The following CCDC198 variants were observed in gnomAD, a reference collection of about 807,000 sequenced individuals.
CCDC198 encodes the protein coiled-coil domain containing 198.
CCDC198 carries 18 observed loss-of-function variants against 35.6 expected under a neutral mutation model. That is an observed-to-expected ratio of 0.51 (90% CI 0.35 to 0.75). CCDC198 has a LOEUF of 0.75. CCDC198 is among the 30% of genes least tolerant of loss of function. The pLI is 0.01. For missense variants in CCDC198, 365 were observed against 343.7 expected (o/e 1.06, Z -0.49); for synonymous variants, 119 against 113.4 (o/e 1.05, Z -0.31).
intron 2 of CCDC198, among the ~76,000 whole-genome samples, chr14:57,490,106 C>A (rs1349722224): frequency 2.0e-5 from 3 of 152,014 alleles, no homozygotes; most frequent in Non-Finnish European, 2.9e-5. Context: ...CAGAAATAAT[C>A]CCCAACAAAT....
chr14:57,491,906 CAT>C (rs1223579752), intron 1 of CCDC198, among the ~76,000 whole-genome samples: 2 of 152,084 alleles, frequency 1.3e-5, no homozygotes, highest in Non-Finnish European at 2.9e-5. Context: ...CTCCTTAAGA[CAT>C]GTGAATAACC....
intron 5 of CCDC198, among the ~76,000 whole-genome samples, chr14:57,478,042 C>T (rs1237383794): frequency 2.6e-5 from 4 of 152,196 alleles, no homozygotes; most frequent in African/African-American, 7.2e-5. Context: ...TTGTGCACTA[C>T]TGATGCAGCT....
intron 2 of CCDC198, among the ~76,000 whole-genome samples, chr14:57,484,666 T>G (rs1290632834): frequency 6.6e-6 from 1 of 152,192 alleles, no homozygotes; most frequent in African/African-American, 2.4e-5. Flanking sequence ...AGAAATTGGT[T>G]GGCTGCAGTT....
rs1409963547 is a variant in CCDC198 at position 57,471,099 on chromosome 14, C to T, written c.*256G>A. 1 of 367,570 alleles carries T rather than the reference C, an allele frequency of 2.7e-6. No homozygotes were observed. The highest frequency in any genetic ancestry group is 4.9e-6 in the Non-Finnish European group (1 of 203,520). 22.8% of individuals were successfully genotyped at this position (367,570 alleles called of 1,614,324 possible). On this transcript the variant is annotated 3_prime_UTR_variant, in exon 6 of 6. Transcript: ENST00000216445. ...AGGGAACAGCAGAAGAACCACCTAGCTGAACTCAGCAACCCACAGGAAAGT... is the reference window on the plus strand; with the variant it reads ...AGGGAACAGCAGAAGAACCACCTAGTTGAACTCAGCAACCCACAGGAAAGT...
chr14:57,480,881 C>T, intron 4 of CCDC198, 127 bp from the exon 5 acceptor site: 1 of 905,482 alleles, frequency 1.1e-6, no homozygotes, highest in Non-Finnish European at 1.7e-6. Flanking sequence ...CTAACCAGAA[C>T]ATGGTTTTCT....
chr14:57,475,532 C>A (rs2066955981), intron 5 of CCDC198: 1 of 747,752 alleles, frequency 1.3e-6, no homozygotes, highest in South Asian at 1.7e-5. Flanking sequence ...CATGGTGAAA[C>A]CTCGTCTCTA....
intron 5 of CCDC198, among the ~76,000 whole-genome samples, 164 bp from the exon 6 acceptor site, chr14:57,471,754 T>G (rs2066828337): frequency 6.7e-6 from 1 of 148,742 alleles, no homozygotes; most frequent in Non-Finnish European, 1.5e-5. Context: ...ACATTTCAAC[T>G]GGTGTCTCTG....
chr14:57,485,607 T>C (rs370823496), intron 2 of CCDC198, among the ~76,000 whole-genome samples: 97 of 152,300 alleles, frequency 6.4e-4, no homozygotes, highest in African/African-American at 2.3e-3. Flanking sequence ...GCACTTGTAA[T>C]GGGGAGCATG....
At chr14:57,481,040 T>C (rs1019528689) in intron 4 of CCDC198, among the ~76,000 whole-genome samples, 5 of 152,196 alleles carry the variant, frequency 3.3e-5, no homozygotes, top group Admixed American at 2.0e-4. Flanking sequence ...ATGATTGGAG[T>C]TCCAGAGAGC....
chr14:57,469,442 T>C lies in CCDC198; in HGVS notation c.*1913A>G, dbSNP rs979824895. 6.6e-5 allele frequency: 10 copies of C among 152,220 alleles called. No homozygotes were observed. The highest frequency in any genetic ancestry group is 1.7e-4 in the African/African-American group (7 of 41,464). 9.4% of individuals were successfully genotyped at this position (152,220 alleles called of 1,614,324 possible). On this transcript the variant is annotated 3_prime_UTR_variant, in exon 6 of 6. Coordinates refer to ENST00000216445, the MANE Select transcript of CCDC198 (RefSeq NM_018168.4). ...GCTTGTGGAAGTGGGTTTCGTGAAA[T>C]TGAATTTTAAGTCACATAACAGAAT...
At chr14:57,480,519 C>A (rs2067145027) in intron 5 of CCDC198, 76 bp downstream of exon 5, 1 of 1,517,660 alleles carries the variant, frequency 6.6e-7, no homozygotes, top group Non-Finnish European at 9.0e-7. Context: ...CTCATCATGT[C>A]CCTCCCTTGG....
rs751670060 is a variant in CCDC198, at chr14:57,483,157, A to G, written c.307-6T>C. On this transcript the variant is annotated splice_region_variant and splice_polypyrimidine_tract_variant and intron_variant, in intron 2 of 5. Transcript: ENST00000216445. ...AAGTCAATGGGTTCAAGCTTCTAGA[A>G]GTTCAACGTTTAGAGCAGTCAGCAT... is the stretch of plus-strand genomic sequence containing the variant. 1 of 1,614,046 alleles carries G rather than the reference A, an allele frequency of 6.2e-7. No homozygotes were observed. Among genetic ancestry groups the G allele is most frequent in the South Asian group, 1.1e-5 (1 of 91,080 alleles).
intron 5 of CCDC198, chr14:57,478,939 G>T: frequency 1.6e-6 from 2 of 1,284,886 alleles, no homozygotes; most frequent in Non-Finnish European, 2.0e-6. Flanking sequence ...TCAGCGGTGG[G>T]TCAGTCCTGC....
intron 3 of CCDC198, 120 bp downstream of exon 3, chr14:57,482,945 G>T: frequency 7.3e-7 from 1 of 1,367,402 alleles, no homozygotes; most frequent in South Asian, 1.3e-5. Context: ...TTAACAGTTT[G>T]ATTTGTCTTT....
At chr14:57,484,655 A>G (rs571234326) in intron 2 of CCDC198, among the ~76,000 whole-genome samples, 5 of 152,276 alleles carry the variant, frequency 3.3e-5, no homozygotes, top group African/African-American at 1.2e-4. Context: ...AAGGAATGGA[A>G]AGAAATTGGT....
intron 5 of CCDC198, among the ~76,000 whole-genome samples, chr14:57,476,758 C>CCTTAATGACCAGACCCTGATAGTAGAATG (rs1231518570): frequency 3.3e-5 from 5 of 152,102 alleles, no homozygotes; most frequent in Admixed American, 1.3e-4. Flanking sequence ...TACAGAGGAA[C>CCTTAATGACCAGACCCTGATAGTAGAATG]CTTAATGACC....
At chr14:57,485,668 C>T (rs989869294) in intron 2 of CCDC198, among the ~76,000 whole-genome samples, 1 of 152,164 alleles carries the variant, frequency 6.6e-6, no homozygotes, top group Admixed American at 6.5e-5. Context: ...GTCCCTGGTC[C>T]TGGACTGGAG....
chr14:57,482,060 A>C (rs965675604), intron 3 of CCDC198, among the ~76,000 whole-genome samples: 8 of 152,164 alleles, frequency 5.3e-5, no homozygotes, highest in Non-Finnish European at 1.2e-4. Context: ...TTGGCTGGCT[A>C]TGAAATGAGA....
chr14:57,490,613 A>G (rs185695734), intron 2 of CCDC198, among the ~76,000 whole-genome samples: 2 of 152,278 alleles, frequency 1.3e-5, no homozygotes, highest in Admixed American at 6.5e-5. Flanking sequence ...TAAATGAATG[A>G]CATAGATTGA....
Sources: gnomAD v4.1 joint callset for allele counts (sites outside exome capture counted in the v4.1 genomes callset) on GRCh38, gnomAD v4.1.1 for gene constraint, MANE v1.5 for transcripts, NCBI Gene and HGNC (gene_info 2026-07-23, HGNC 2026-07-21) for gene names.